HSPA4L: variants seen among roughly 807,000 people sequenced by gnomAD.
HSPA4L encodes heat shock protein family A (Hsp70) member 4 like.
A neutral mutation model predicts 100.3 loss-of-function variants in HSPA4L; 48 were observed. That is an observed-to-expected ratio of 0.48 (90% CI 0.38 to 0.61). The LOEUF (loss-of-function observed/expected upper bound fraction) is 0.61. HSPA4L is among the 20% of genes least tolerant of loss of function. HSPA4L has a pLI of 0.00. For synonymous variants in HSPA4L, 319 were observed against 328.2 expected, an observed-to-expected ratio of 0.97 and a Z score of 0.30; for missense variants, 886 against 988.6, an observed-to-expected ratio of 0.90 and a Z score of 1.39.
At position 127,840,719 on chromosome 4, in the gene HSPA4L, T is replaced by C. The variant is rs1734346408; in HGVS notation, c.*7845T>C. 1 of 152,182 alleles carries C rather than the reference T, an allele frequency of 6.6e-6. No homozygotes were observed. The highest frequency in any genetic ancestry group is 1.5e-5 in the Non-Finnish European group (1 of 68,042). 9.4% of individuals were successfully genotyped at this position (152,182 alleles called of 1,614,324 possible). On this transcript the variant is annotated 3_prime_UTR_variant, in exon 19 of 19. Coordinates refer to ENST00000296464, the MANE Select transcript of HSPA4L (RefSeq NM_014278.4). ...AATTATAATAAATATGTCTACCTAC[T>C]CCTTGAACCATGAATTTTGCACACC... is the stretch of plus-strand genomic sequence containing the variant.
chr4:127,833,911 T>C lies in HSPA4L; in HGVS notation c.*1037T>C, dbSNP rs1181485103. 1.3e-5 allele frequency: 2 copies of C among 152,220 alleles called. No individual in the cohort carries two copies. Among genetic ancestry groups the C allele is most frequent in the African/African-American group, 4.8e-5 (2 of 41,470 alleles). 9.4% of individuals were successfully genotyped at this position (152,220 alleles called of 1,614,324 possible). ...AAGTCTTAGGAAATAATGTTTGTAA[T>C]AAACTTAACTATGTTACATATCAAC... On this transcript the variant is annotated 3_prime_UTR_variant, in exon 19 of 19. Coordinates refer to ENST00000296464, the MANE Select transcript of HSPA4L (RefSeq NM_014278.4).
At chr4:127,822,652 A>G in intron 14 of HSPA4L, 117 bp from the exon 15 acceptor site, 2 of 952,564 alleles carry the variant, frequency 2.1e-6, no homozygotes, top group South Asian at 1.8e-5. Flanking sequence ...ATCCTCATGA[A>G]TACTTATTTT....
chr4:127,791,518 A>G (rs1732874457), intron 1 of HSPA4L, among the ~76,000 whole-genome samples: 1 of 152,228 alleles, frequency 6.6e-6, no homozygotes, highest in Non-Finnish European at 1.5e-5. Context: ...TCATGTGCAT[A>G]ATAACCACAT....
intron 12 of HSPA4L, among the ~76,000 whole-genome samples, chr4:127,817,776 T>G (rs1733706078): frequency 6.6e-6 from 1 of 152,164 alleles, no homozygotes; most frequent in Non-Finnish European, 1.5e-5. Context: ...ATTCATAGAT[T>G]TTGTATCTTT....
Position 127,833,660 on chromosome 4 carries a change from T to C in HSPA4L, c.*786T>C, listed in dbSNP as rs1376824256. 1.3e-5 allele frequency: 2 copies of C among 152,218 alleles called. No homozygotes were observed. The highest frequency in any genetic ancestry group is 2.9e-5 in the Non-Finnish European group (2 of 68,016). 9.4% of individuals were successfully genotyped at this position (152,218 alleles called of 1,614,324 possible). On this transcript the variant is annotated 3_prime_UTR_variant, in exon 19 of 19. Coordinates refer to ENST00000296464, the MANE Select transcript of HSPA4L (RefSeq NM_014278.4). ...TGACTTTCATGTTAAGGGGAAATGC[T>C]GTTTATCTACTCAGACATGCATCTG... is the stretch of plus-strand genomic sequence containing the variant.
chr4:127,782,400 C>T lies in HSPA4L; in HGVS notation c.-151C>T, dbSNP rs1732583094. On this transcript the variant is annotated 5_prime_UTR_variant, in exon 1 of 19. Coordinates refer to ENST00000296464, the MANE Select transcript of HSPA4L (RefSeq NM_014278.4). ...CTCTGCTCCTTCCGCGGGTTTCCGA[C>T]TCCCTGCCCTAGATTTTCTGCTTAG... 1.1e-5 allele frequency: 7 copies of T among 642,030 alleles called. No individual in the cohort carries two copies. Among genetic ancestry groups the T allele is most frequent in the Non-Finnish European group, 2.0e-5 (7 of 354,308 alleles). 39.8% of individuals were successfully genotyped at this position (642,030 alleles called of 1,614,324 possible).
At chr4:127,829,435 A>C (rs781260733) in intron 17 of HSPA4L, among the ~76,000 whole-genome samples, 5 of 152,044 alleles carry the variant, frequency 3.3e-5, no homozygotes, top group Non-Finnish European at 5.9e-5. Context: ...GGAATAAGAC[A>C]TTATTAGAAT....
chr4:127,809,524 A>C, intron 11 of HSPA4L: 2 of 838,064 alleles, frequency 2.4e-6, no homozygotes, highest in Non-Finnish European at 4.2e-6. Context: ...TCAAATGCCA[A>C]AGCTACTGTC....
chr4:127,797,512 T>C (rs114718820), intron 3 of HSPA4L, among the ~76,000 whole-genome samples: 39 of 152,250 alleles, frequency 2.6e-4, no homozygotes, highest in African/African-American at 9.4e-4. Context: ...TTTTGAAGAC[T>C]TAAGAAAATC....
At chr4:127,813,065 C>A in intron 12 of HSPA4L, 1 of 1,094,190 alleles carries the variant, frequency 9.1e-7, no homozygotes, top group Non-Finnish European at 1.4e-6. Flanking sequence ...TGAACAGTAC[C>A]CGTTCCCTTG....
rs201841659 is a variant in HSPA4L at position 127,801,938 on chromosome 4, G to C, written c.663+20G>C. On this transcript the variant is annotated intron_variant, in intron 6 of 18. Transcript: ENST00000296464. ...CTTAAAGTAAGTAAACACATGGTTT[G>C]TTATATTTACATATGTTAAGAACAC... The C allele has an allele frequency of 1.3e-6, 2 of 1,573,472 alleles. No homozygotes were observed. Among genetic ancestry groups the C allele is most frequent in the Admixed American group, 1.8e-5 (1 of 54,538 alleles).
At chr4:127,805,364 CTT>C (rs1286214244) in intron 9 of HSPA4L, 140 bp downstream of exon 9, 4 of 635,594 alleles carry the variant, frequency 6.3e-6, no homozygotes, top group Non-Finnish European at 7.8e-6. Context: ...ATAAATAAGT[CTT>C]ATGTCTTTCC....
At chr4:127,823,822 C>G (rs1465755246) in intron 16 of HSPA4L, among the ~76,000 whole-genome samples, 198 bp downstream of exon 16, 1 of 152,122 alleles carries the variant, frequency 6.6e-6, no homozygotes, top group East Asian at 1.9e-4. Context: ...AAATGCATTA[C>G]CTCACATACA....
At chr4:127,783,021 T>C (rs1382452529) in intron 1 of HSPA4L, among the ~76,000 whole-genome samples, 2 of 152,130 alleles carry the variant, frequency 1.3e-5, no homozygotes, top group Non-Finnish European at 2.9e-5. Context: ...AGATCTCCGG[T>C]TGCCTCTAAC....
intron 11 of HSPA4L, among the ~76,000 whole-genome samples, chr4:127,810,394 A>C (rs1733491437): frequency 6.6e-6 from 1 of 152,208 alleles, no homozygotes; most frequent in Admixed American, 6.5e-5. Flanking sequence ...ACCACAAGCT[A>C]GGTGGCTTAA....
chr4:127,807,311 T>C (rs1733387043), intron 10 of HSPA4L, among the ~76,000 whole-genome samples: 1 of 151,464 alleles, frequency 6.6e-6, no homozygotes, highest in Admixed American at 6.6e-5. Flanking sequence ...AAAAACTCCC[T>C]GTATTGGAGG....
At chr4:127,804,989 C>A (rs1733310228) in intron 8 of HSPA4L, 84 bp from the exon 9 acceptor site, 2 of 772,958 alleles carry the variant, frequency 2.6e-6, no homozygotes, top group Non-Finnish European at 4.0e-6. Context: ...AAAAGTCAAT[C>A]CACTTTTTAA....
At chr4:127,826,689 C>T (rs1226119943) in intron 16 of HSPA4L, among the ~76,000 whole-genome samples, 3 of 151,864 alleles carry the variant, frequency 2.0e-5, no homozygotes, top group South Asian at 2.1e-4. Flanking sequence ...TAAAATAAGC[C>T]GATTTTTATT....
At chr4:127,823,846 G>C (rs959324993) in intron 16 of HSPA4L, among the ~76,000 whole-genome samples, 2 of 152,054 alleles carry the variant, frequency 1.3e-5, no homozygotes, top group African/African-American at 2.4e-5. Context: ...CTTTCTTTGG[G>C]GGGGAGAACA....
Sources: gnomAD v4.1 joint callset for allele counts (sites outside exome capture counted in the v4.1 genomes callset) on GRCh38, gnomAD v4.1.1 for gene constraint, MANE v1.5 for transcripts, NCBI Gene and HGNC (gene_info 2026-07-23, HGNC 2026-07-21) for gene names.